Variants in PTPRB observed in about 807,000 individuals in gnomAD.
PTPRB encodes the protein receptor-type tyrosine-protein phosphatase beta.
PTPRB carries 97 observed loss-of-function variants against 238.1 expected under a neutral mutation model. The observed-to-expected ratio is 0.41, with a 90% CI of 0.35 to 0.48. The LOEUF is 0.48. PTPRB is among the 20% of genes least tolerant of loss of function. PTPRB has a pLI of 0.30. For synonymous variants in PTPRB, 970 were observed against 995.4 expected (o/e 0.97, Z 0.48); for missense variants, 2,292 against 2,681.9 (o/e 0.85, Z 3.21).
intron 2 of PTPRB, among the ~76,000 whole-genome samples, chr12:70,624,289 G>A (rs1200561883): frequency 6.6e-6 from 1 of 152,038 alleles, no homozygotes; most frequent in Non-Finnish European, 1.5e-5. Flanking sequence ...ATATTCAAAT[G>A]TAACCGAGTG....
chr12:70,618,345 A>C (rs1273700132), intron 3 of PTPRB, among the ~76,000 whole-genome samples: 1 of 152,118 alleles, frequency 6.6e-6, no homozygotes, highest in East Asian at 1.9e-4. Context: ...CCTGGGCTTG[A>C]GTGATCTGCT....
Position 70,622,560 on chromosome 12 carries a change from C to T in PTPRB, c.538G>A (p.Gly180Ser), listed in dbSNP as rs7298147. ...ILTTFNAVPD[G>S]LVFLIRNTTE... ...GTATTCCTAATAAGGAATACCAGGC[C>T]ATCTGGAACTGCATTAAAGGTAGTG... Residue 180 changes from glycine (G) to serine (S), a missense_variant, in exon 3 of 34, where the codon GGC becomes AGC. Physicochemically the swap from Gly to Ser is moderately conservative, Grantham distance 56. Transcript: ENST00000334414. The T allele has an allele frequency of 0.064, 103,252 of 1,603,200 alleles. 3,729 individuals carry two copies. The highest frequency in any genetic ancestry group is 0.072 in the Non-Finnish European group (84,689 of 1,174,234).
chr12:70,564,847 AAT>A (rs1565949697), intron 15 of PTPRB, among the ~76,000 whole-genome samples: 5 of 3,716 alleles, frequency 1.3e-3, no homozygotes, highest in South Asian at 0.014. Context: ...AATAATAAAT[AAT>A]AATAATAATA....
intron 3 of PTPRB, among the ~76,000 whole-genome samples, chr12:70,616,915 A>T (rs1286954024): frequency 6.6e-6 from 1 of 152,196 alleles, no homozygotes; most frequent in Admixed American, 6.5e-5. Flanking sequence ...TGTATAACCA[A>T]ATCTCCACAT....
chr12:70,596,040 A>C lies in PTPRB; in HGVS notation c.1258+9T>G. 1.3e-6 allele frequency: 2 copies of C among 1,558,506 alleles called. No homozygotes were observed. Among genetic ancestry groups the C allele is most frequent in the Non-Finnish European group, 1.7e-6 (2 of 1,147,536 alleles). ...TTAACTACTCAGCTATAAAATAAAC[A>C]GGTCTTACCTGTTGATCCATTGGTA... On this transcript the variant is annotated intron_variant, in intron 5 of 33. Coordinates refer to ENST00000334414, the MANE Select transcript of PTPRB (RefSeq NM_001109754.4).
chr12:70,548,665 A>G lies in PTPRB; in HGVS notation c.5388-4002T>C, dbSNP rs555217794. On this transcript the variant is annotated intron_variant, in intron 21 of 33. Transcript: ENST00000334414. ...TTCAGCTTAAAATTAATGGGTTATC[A>G]GGCACTCTTCCCTTAAAACTTTTCC... 7.2e-5 allele frequency among the ~76,000 whole-genome samples: 11 copies of G among 152,320 alleles called. No homozygotes were observed. In the South Asian group the frequency reaches 2.3e-3, roughly 32 times the overall value.
intron 18 of PTPRB, among the ~76,000 whole-genome samples, chr12:70,557,382 C>A (rs1033074066): frequency 6.6e-6 from 1 of 152,280 alleles, no homozygotes; most frequent in South Asian, 2.1e-4. Flanking sequence ...ATACAAGCCT[C>A]GAAGAAAACA....
At chr12:70,565,981 C>G (rs887589547) in intron 15 of PTPRB, among the ~76,000 whole-genome samples, 13 of 152,026 alleles carry the variant, frequency 8.6e-5, no homozygotes, top group African/African-American at 3.1e-4. Context: ...AGCAATGTCA[C>G]TGTTGGGAGG....
chr12:70,524,467 C>T lies in PTPRB; in HGVS notation c.6625+4G>A. The T allele has an allele frequency of 6.2e-7, 1 of 1,600,270 alleles. No individual in the cohort carries two copies. Among genetic ancestry groups the T allele is most frequent in the African/African-American group, 1.3e-5 (1 of 74,766 alleles). Reference sequence around the variant, plus strand: ...TTGGGGAAGTAAGTGAAGTAAGTGCCCACCTCTGTGATACTCTGGATTCAC... The same window carrying T: ...TTGGGGAAGTAAGTGAAGTAAGTGCTCACCTCTGTGATACTCTGGATTCAC... On this transcript the variant is annotated splice_donor_region_variant and intron_variant, in intron 33 of 33. Coordinates refer to ENST00000334414, the MANE Select transcript of PTPRB (RefSeq NM_001109754.4).
At position 70,521,528 on chromosome 12, in the gene PTPRB, T is replaced by C; in HGVS notation, c.6626-17A>G. ...AGACTGGATCTGAAAGGAAGAACAC[T>C]GTAATTAGAGACTGCCGCAGGGTGT... On this transcript the variant is annotated splice_polypyrimidine_tract_variant and intron_variant, in intron 33 of 33. Coordinates refer to ENST00000334414, the MANE Select transcript of PTPRB (RefSeq NM_001109754.4). 1.3e-6 allele frequency: 2 copies of C among 1,533,242 alleles called. No individual in the cohort carries two copies. Among genetic ancestry groups the C allele is most frequent in the Non-Finnish European group, 1.8e-6 (2 of 1,139,912 alleles). 95.0% of individuals were successfully genotyped at this position (1,533,242 alleles called of 1,614,324 possible).
chr12:70,547,496 TTC>T (rs1320990198), intron 21 of PTPRB, among the ~76,000 whole-genome samples: 1 of 150,754 alleles, frequency 6.6e-6, no homozygotes, highest in African/African-American at 2.4e-5. Context: ...AATACTTTTT[TTC>T]TTTTTCTTTC....
intron 15 of PTPRB, among the ~76,000 whole-genome samples, chr12:70,563,460 T>C (rs1878779927): frequency 6.6e-6 from 1 of 152,206 alleles, no homozygotes; most frequent in Non-Finnish European, 1.5e-5. Flanking sequence ...CCACCCCAAA[T>C]GCTCTTTCTC....
Position 70,552,901 on chromosome 12 carries a change from G to A in PTPRB, c.5263C>T (p.Pro1755Ser), listed in dbSNP as rs769664975. 2 of 1,613,954 alleles carry A rather than the reference G, an allele frequency of 1.2e-6. No individual in the cohort carries two copies. Among genetic ancestry groups the A allele is most frequent in the Non-Finnish European group, 1.7e-6 (2 of 1,179,876 alleles). ...TTAAAACTCTTGGAGTTGCTGTTAG[G>A]ATTTTCGGCACATTTGCTGGCAAAA... ...NYFASKCAEN[P>S]NSNSKSFNIK... The change falls in exon 21 of 34, where the codon CCT (proline) becomes TCT (serine). Residue 1755 changes from proline (P) to serine (S), a missense_variant. This residue lies in a region of PTPRB where 683 missense variants were observed against 862.0 expected (regional missense o/e 0.79). Coordinates refer to ENST00000334414, the MANE Select transcript of PTPRB (RefSeq NM_001109754.4).
chr12:70,615,358 T>C (rs558531041), intron 3 of PTPRB, among the ~76,000 whole-genome samples: 2 of 152,078 alleles, frequency 1.3e-5, no homozygotes, highest in Non-Finnish European at 2.9e-5. Flanking sequence ...AAGATTTTTT[T>C]AAAATACTGC....
chr12:70,580,980 G>A, intron 10 of PTPRB, 56 bp downstream of exon 10: 3 of 1,526,662 alleles, frequency 2.0e-6, no homozygotes, highest in South Asian at 1.2e-5. Context: ...TTCTGATTAG[G>A]GGTCTCATGT....
intron 4 of PTPRB, among the ~76,000 whole-genome samples, chr12:70,605,766 T>G (rs1232901836): frequency 6.6e-6 from 1 of 152,212 alleles, no homozygotes; most frequent in Admixed American, 6.5e-5. Context: ...ATGATCTGGA[T>G]GTTTTCACAA....
intron 7 of PTPRB, among the ~76,000 whole-genome samples, chr12:70,590,596 T>C (rs1410780445): frequency 6.6e-6 from 1 of 150,804 alleles, no homozygotes; most frequent in Non-Finnish European, 1.5e-5. Context: ...AGTTCTTTTT[T>C]TTTTTTTTTT....
In PTPRB at chr12:70,581,295, G is replaced by T. The variant is rs1400490088; in HGVS notation, c.2319C>A (p.Ala773=). 2 of 1,612,270 alleles carry T rather than the reference G, an allele frequency of 1.2e-6. No individual in the cohort carries two copies. ...SSSVKGRTVP[A]QVTDLHVANQ... ...TGGCCACATGCAAGTCAGTCACTTG[G>T]GCAGGCACTAAAACAGTAGACAGAA... Residue 773 remains alanine (A), a synonymous_variant, in exon 10 of 34, where the codon GCC becomes GCA. Transcript: ENST00000334414.
Position 70,576,581 on chromosome 12 carries a change from G to A in PTPRB, c.2643C>T (p.Ser881=), listed in dbSNP as rs1264140121. Residue 881 remains serine (S), a synonymous_variant, in exon 11 of 34, where the codon TCC becomes TCT. Transcript: ENST00000334414. ...CCACATCTCCGGGCGCCAGCAGCCAGGAAACGCTGAGGTAGTCATTACGAC... is the reference window on the plus strand; with the variant it reads ...CCACATCTCCGGGCGCCAGCAGCCAAGAAACGCTGAGGTAGTCATTACGAC... ...NSGRNDYLSV[S]WLLAPGDVDN... is the part of the protein sequence containing the mutation. 6.5e-7 allele frequency: 1 copy of A among 1,545,356 alleles called. No individual in the cohort carries two copies. Among genetic ancestry groups the A allele is most frequent in the Non-Finnish European group, 8.7e-7 (1 of 1,144,996 alleles).
Sources: allele counts gnomAD v4.1 joint callset (sites outside exome capture counted in the v4.1 genomes callset), GRCh38; gene constraint gnomAD v4.1.1; regional missense constraint gnomAD v4.1.1; transcripts MANE v1.5; gene names NCBI Gene and HGNC (gene_info 2026-07-23, HGNC 2026-07-21).